The following VKORC1 variants were observed in gnomAD, a reference collection of about 807,000 sequenced individuals.
VKORC1 encodes the protein vitamin K epoxide reductase complex subunit 1, also known as phylloquinone epoxide reductase.
A neutral mutation model predicts 14.8 loss-of-function variants in VKORC1; 12 were observed. The ratio of observed to expected loss-of-function variants is 0.81; its 90% CI spans 0.52 to 1.31. The LOEUF (loss-of-function observed/expected upper bound fraction) is 1.31. Ranked by LOEUF, VKORC1 falls within the 50% of genes most tolerant of loss-of-function variation. VKORC1 has a pLI of 0.00. For missense variants in VKORC1, 223 were observed against 215.3 expected (o/e 1.04, Z -0.22); for synonymous variants, 94 against 92.5 (o/e 1.02, Z -0.09).
intron 1 of VKORC1, chr16:31,094,066 TG>T: frequency 8.2e-7 from 1 of 1,226,684 alleles, no homozygotes; most frequent in Non-Finnish European, 1.1e-6. Context: ...CATCAGAGAC[TG>T]GGAGTCGGGG....
intron 1 of VKORC1, chr16:31,093,897 G>T: frequency 3.1e-6 from 1 of 324,690 alleles, no homozygotes; most frequent in Non-Finnish European, 5.8e-6. Flanking sequence ...GGTAGAGACA[G>T]GCTTTCACCA....
intron 2 of VKORC1, among the ~76,000 whole-genome samples, chr16:31,091,712 C>A (rs1228847210): frequency 6.6e-6 from 1 of 152,150 alleles, no homozygotes; most frequent in African/African-American, 2.4e-5. Context: ...CATGGCAAAA[C>A]CCCATCTCTA....
rs760391247 is a variant in VKORC1 at position 31,091,282 on chromosome 16, G to A, written c.344C>T (p.Ala115Val). 1.2e-6 allele frequency: 2 copies of A among 1,614,172 alleles called. No individual in the cohort carries two copies. Among genetic ancestry groups the A allele is most frequent in the Non-Finnish European group, 1.7e-6 (2 of 1,180,042 alleles). Residue 115 changes from alanine (A) to valine (V), a missense_variant, in exon 3 of 3, where the codon GCT becomes GTT. Ala to Val is a moderately conservative substitution (Grantham distance 64). Coordinates refer to ENST00000394975, the MANE Select transcript of VKORC1 (RefSeq NM_024006.6). ...LMLLSSLVSL[A>V]GSVYLAWILF... ...GATCCAGGCCAGGTAGACAGAACCA[G>A]CGAGAGACACCAGGGAGCTCAGCAG... is the stretch of plus-strand genomic sequence containing the variant.
In VKORC1 at chr16:31,091,343, C is replaced by A. The variant is rs767852625; in HGVS notation, c.284-1G>T. On this transcript the variant is annotated splice_acceptor_variant, in intron 2 of 2. Coordinates refer to ENST00000394975, the MANE Select transcript of VKORC1 (RefSeq NM_024006.6). LOFTEE classifies it high-confidence loss of function. ...GAGGCCCAGCGTGTCCGCAGGCAAC[C>A]TGCAAGGCAGAAGAGGGTCCGGTGT... 6.2e-7 allele frequency: 1 copy of A among 1,612,986 alleles called. No individual in the cohort carries two copies. Among genetic ancestry groups the A allele is most frequent in the Non-Finnish European group, 8.5e-7 (1 of 1,179,560 alleles).
At position 31,090,857 on chromosome 16, in the gene VKORC1, T is replaced by C; in HGVS notation, c.*277A>G. 6 of 488,226 alleles carry C rather than the reference T, an allele frequency of 1.2e-5. No homozygotes were observed. The highest frequency in any genetic ancestry group is 4.0e-5 in the East Asian group (1 of 25,234). 30.2% of individuals were successfully genotyped at this position (488,226 alleles called of 1,614,324 possible). On this transcript the variant is annotated 3_prime_UTR_variant, in exon 3 of 3. Transcript: ENST00000394975. ...AGACACATGGTTCAGACTTGGCTGA[T>C]TGATCTAAGAAACTTTATTGCTCAG...
Position 31,094,776 on chromosome 16 carries a change from G to C in VKORC1, c.-47C>G, listed in dbSNP as rs1204958019. 1.3e-5 allele frequency: 20 copies of C among 1,558,476 alleles called. No individual in the cohort carries two copies. The highest frequency in any genetic ancestry group is 3.9e-4 in the Middle Eastern group (2 of 5,128). On this transcript the variant is annotated 5_prime_UTR_variant, in exon 1 of 3. Coordinates refer to ENST00000394975, the MANE Select transcript of VKORC1 (RefSeq NM_024006.6). ...GCGCCCGCGGAGAAAACCAGCCACG[G>C]AGCAGGGGCCGGGCGGCGAATGGCC... is the stretch of plus-strand genomic sequence containing the variant.
chr16:31,091,716 A>G (rs1352099376), intron 2 of VKORC1, among the ~76,000 whole-genome samples: 1 of 152,082 alleles, frequency 6.6e-6, no homozygotes, highest in Non-Finnish European at 1.5e-5. Context: ...GCAAAACCCC[A>G]TCTCTAATAA....
chr16:31,090,870 CTT>C lies in VKORC1; in HGVS notation c.*262_*263del, dbSNP rs2057283115. 1 of 531,998 alleles carries C rather than the reference CTT, an allele frequency of 1.9e-6. No homozygotes were observed. The highest frequency in any genetic ancestry group is 3.5e-5 in the East Asian group (1 of 28,656). 33.0% of individuals were successfully genotyped at this position (531,998 alleles called of 1,614,324 possible). Reference sequence around the variant, plus strand: ...AGACTTGGCTGATTGATCTAAGAAACTTTATTGCTCAGAACCTTCCCTCCCTG... The same window carrying C: ...AGACTTGGCTGATTGATCTAAGAAACTATTGCTCAGAACCTTCCCTCCCTG... On this transcript the variant is annotated 3_prime_UTR_variant, in exon 3 of 3. Coordinates refer to ENST00000394975, the MANE Select transcript of VKORC1 (RefSeq NM_024006.6).
In VKORC1 at chr16:31,091,321, GC is replaced by G; in HGVS notation, c.304del (p.Ala102ProfsTer4). On this transcript the variant is annotated frameshift_variant, in exon 3 of 3. Coordinates refer to ENST00000394975, the MANE Select transcript of VKORC1 (RefSeq NM_024006.6). LOFTEE classifies it high-confidence loss of function. ...LLLGCLRTRW[A>X]SVLMLLSSLV... is the part of the protein sequence containing the mutation. The stretch of plus-strand genomic sequence containing the variant: ...GGAGCTCAGCAGCATCAGGACAGAG[GC>G]CCAGCGTGTCCGCAGGCAACCTGCA... 6.2e-7 allele frequency: 1 copy of G among 1,613,984 alleles called. No homozygotes were observed. The highest frequency in any genetic ancestry group is 8.5e-7 in the Non-Finnish European group (1 of 1,179,994).
At position 31,094,581 on chromosome 16, in the gene VKORC1, C is replaced by T; in HGVS notation, c.149G>A (p.Ser50Asn). Residue 50 changes from serine (S) to asparagine (N), a missense_variant, in exon 1 of 3, where the codon AGC (serine) becomes AAC (asparagine). Transcript: ENST00000394975. Reference protein sequence around the residue: ...RALCDVGTAISCSRVFSSRWG... With the variant: ...RALCDVGTAINCSRVFSSRWG... ...CCTGGAGGAGAAGACGCGCGAACAG[C>T]TGATGGCGGTGCCCACGTCGCAGAG... The T allele has an allele frequency of 6.2e-7, 1 of 1,611,052 alleles. No individual in the cohort carries two copies. Among genetic ancestry groups the T allele is most frequent in the Non-Finnish European group, 8.5e-7 (1 of 1,179,340 alleles).
rs763282036 is a variant in VKORC1, at chr16:31,093,426, C to A, written c.174-5G>T. The A allele has an allele frequency of 8.1e-6, 13 of 1,614,192 alleles. No homozygotes were observed. In the South Asian group the frequency reaches 1.2e-4, roughly 15 times the overall value. On this transcript the variant is annotated splice_region_variant and splice_polypyrimidine_tract_variant and intron_variant, in intron 1 of 2. Transcript: ENST00000394975. ...AGCCCGAAACCCCTGCCCCACCTGG[C>A]AGAGGGGTGGGGTGGGGTGGAACCA...
Position 31,094,688 on chromosome 16 carries a change from AG to A in VKORC1, c.41del (p.Ala14ValfsTer4). 6.2e-7 allele frequency: 1 copy of A among 1,608,274 alleles called. No homozygotes were observed. The highest frequency in any genetic ancestry group is 2.2e-5 in the East Asian group (1 of 44,766). On this transcript the variant is annotated frameshift_variant, in exon 1 of 3. Transcript: ENST00000394975. LOFTEE classifies it high-confidence loss of function. ...AGAGCACTAAGCCCGTCAGGCAAAG[AG>A]CGAGCCGCACCCAGCCAGGGCTCCC... ...TWGSPGWVRLALCLTGLVLSL... is the reference protein window; with the variant it reads ...TWGSPGWVRLXLCLTGLVLSL...
At chr16:31,092,582 G>A (rs1211288009) in intron 2 of VKORC1, among the ~76,000 whole-genome samples, 2 of 152,062 alleles carry the variant, frequency 1.3e-5, no homozygotes, top group Non-Finnish European at 2.9e-5. Flanking sequence ...TCTCATCTCC[G>A]GCATATGGCA....
At chr16:31,094,197 T>C (rs774464495) in intron 1 of VKORC1, 2 of 1,592,086 alleles carry the variant, frequency 1.3e-6, no homozygotes, top group Admixed American at 1.7e-5. Flanking sequence ...CGGGCCACCT[T>C]GTTCCTGGGC....
intron 1 of VKORC1, 156 bp from the exon 2 acceptor site, chr16:31,093,577 C>A: frequency 6.6e-7 from 1 of 1,523,242 alleles, no homozygotes; most frequent in South Asian, 1.3e-5. Context: ...CTCCTGGCAC[C>A]GGGCACCTTT....
chr16:31,091,071 CCT>C lies in VKORC1; in HGVS notation c.*61_*62del, dbSNP rs2057285583. On this transcript the variant is annotated 3_prime_UTR_variant, in exon 3 of 3. Transcript: ENST00000394975. ...GCCTTCTAGGGACCCAGATATGCCCCCTTAGGCAAGGCTCACATGCCAAAGCA... is the reference window on the plus strand; with the variant it reads ...GCCTTCTAGGGACCCAGATATGCCCCTAGGCAAGGCTCACATGCCAAAGCA... The C allele has an allele frequency of 6.3e-7, 1 of 1,594,664 alleles. No homozygotes were observed. The highest frequency in any genetic ancestry group is 1.3e-5 in the African/African-American group (1 of 74,632).
chr16:31,094,536 G>A (rs1216407593), intron 1 of VKORC1, 21 bp downstream of exon 1: 2 of 1,612,348 alleles, frequency 1.2e-6, no homozygotes, highest in Non-Finnish European at 1.7e-6. Context: ...GAGGCCCCAC[G>A]CCTCCCACTC....
intron 2 of VKORC1, 99 bp from the exon 3 acceptor site, chr16:31,091,441 G>A: frequency 6.5e-7 from 1 of 1,541,110 alleles, no homozygotes; most frequent in Non-Finnish European, 8.7e-7. Context: ...GGAGCTGCTG[G>A]GAAGGGTCTC....
At chr16:31,091,728 A>G (rs1359208299) in intron 2 of VKORC1, among the ~76,000 whole-genome samples, 2 of 152,174 alleles carry the variant, frequency 1.3e-5, no homozygotes, top group African/African-American at 2.4e-5. Context: ...CTCTAATAAA[A>G]ATACAAAAAT....
Sources: gnomAD v4.1 joint callset for allele counts (sites outside exome capture counted in the v4.1 genomes callset) on GRCh38, gnomAD v4.1.1 for gene constraint, MANE v1.5 for transcripts, NCBI Gene and HGNC (gene_info 2026-07-23, HGNC 2026-07-21) for gene names.